MAMDC2: variants seen among roughly 807,000 people sequenced by gnomAD.
The protein encoded by MAMDC2 is MAM domain-containing protein 2.
In MAMDC2, 57 loss-of-function variants were observed where a neutral mutation model predicts 89.8. The ratio of observed to expected loss-of-function variants is 0.63; its 90% CI spans 0.51 to 0.79. The LOEUF (loss-of-function observed/expected upper bound fraction) is 0.79, where lower values mean the gene tolerates loss of function less well. MAMDC2 is among the 30% of genes least tolerant of loss of function. The pLI is 0.00. For missense variants in MAMDC2, 800 were observed against 820.6 expected (o/e 0.97, Z 0.31); for synonymous variants, 313 against 293.4 (o/e 1.07, Z -0.68).
chr9:70,052,306 T>G (rs73650506), intron 2 of MAMDC2, among the ~76,000 whole-genome samples: 2,364 of 152,342 alleles, frequency 0.016, 66 homozygotes, highest in African/African-American at 0.054. Flanking sequence ...TTGCTCCAAA[T>G]TACATTTCTC....
At chr9:70,128,935 G>T (rs1403185892) in intron 6 of MAMDC2, among the ~76,000 whole-genome samples, 1 of 152,198 alleles carries the variant, frequency 6.6e-6, no homozygotes, top group Non-Finnish European at 1.5e-5. Flanking sequence ...GGAATTACAG[G>T]CATGAACCAC....
At chr9:70,065,140 T>A (rs545211432) in intron 2 of MAMDC2, among the ~76,000 whole-genome samples, 2 of 152,306 alleles carry the variant, frequency 1.3e-5, no homozygotes, top group Admixed American at 1.3e-4. Context: ...GAGCTACTTA[T>A]CCAAAAACCA....
intron 2 of MAMDC2, among the ~76,000 whole-genome samples, chr9:70,098,618 T>G (rs1480299073): frequency 2.6e-5 from 4 of 152,198 alleles, no homozygotes; most frequent in Non-Finnish European, 5.9e-5. Flanking sequence ...TATCCATACC[T>G]TCAGGATCCC....
In MAMDC2 at chr9:70,084,982, A is replaced by G. The variant is rs1235116839; in HGVS notation, c.149-23229A>G. Among the ~76,000 whole-genome samples the G allele has an allele frequency of 2.6e-5, 4 of 152,118 alleles. No homozygotes were observed. In the East Asian group the frequency reaches 7.7e-4, roughly 29 times the overall value. ...TAAACTTGTTTTAATATAGAATTTT[A>G]TTACATCTAACAGATACATAATTTA... On this transcript the variant is annotated intron_variant, in intron 2 of 13. Coordinates refer to ENST00000377182, the MANE Select transcript of MAMDC2 (RefSeq NM_153267.5).
intron 2 of MAMDC2, among the ~76,000 whole-genome samples, chr9:70,105,420 G>C (rs1416511962): frequency 6.6e-6 from 1 of 152,112 alleles, no homozygotes; most frequent in Non-Finnish European, 1.5e-5. Context: ...AGTGGAGGTG[G>C]GCGGTGCTTG....
At chr9:70,051,802 A>G (rs1826903055) in intron 2 of MAMDC2, among the ~76,000 whole-genome samples, 1 of 152,142 alleles carries the variant, frequency 6.6e-6, no homozygotes, top group African/African-American at 2.4e-5. Flanking sequence ...AATCATATAA[A>G]TGTAGTTATG....
chr9:70,154,527 A>AT (rs10710715), intron 9 of MAMDC2, among the ~76,000 whole-genome samples: 22,826 of 135,808 alleles, frequency 0.17, 2,591 homozygotes, highest in African/African-American at 0.3. Context: ...ATTTGGAACA[A>AT]TTTTTTTTTT....
chr9:70,156,173 A>G (rs1399716222), intron 9 of MAMDC2, among the ~76,000 whole-genome samples: 1 of 152,220 alleles, frequency 6.6e-6, no homozygotes, highest in Non-Finnish European at 1.5e-5. Flanking sequence ...TTTCTCTTAC[A>G]AAAATCTTTC....
chr9:70,119,711 T>C (rs769617344), intron 5 of MAMDC2, among the ~76,000 whole-genome samples: 79 of 152,186 alleles, frequency 5.2e-4, no homozygotes, highest in Admixed American at 3.3e-4. Flanking sequence ...AGAGAAAGGT[T>C]TGTGCTTTGT....
At chr9:70,112,560 G>A (rs779637339) in intron 4 of MAMDC2, among the ~76,000 whole-genome samples, 12 of 152,156 alleles carry the variant, frequency 7.9e-5, no homozygotes, top group South Asian at 4.1e-4. Context: ...CTAGAGCTAC[G>A]AGCATAACCC....
intron 2 of MAMDC2, among the ~76,000 whole-genome samples, chr9:70,098,452 T>C (rs147042960): frequency 2.0e-5 from 3 of 152,360 alleles, no homozygotes; most frequent in African/African-American, 7.2e-5. Context: ...AGGTGCACTA[T>C]AGATCAATTG....
intron 2 of MAMDC2, among the ~76,000 whole-genome samples, chr9:70,056,321 C>A (rs1219491262): frequency 6.6e-6 from 1 of 152,128 alleles, no homozygotes; most frequent in Non-Finnish European, 1.5e-5. Context: ...CTATATTAGC[C>A]AACTTTAAAG....
intron 2 of MAMDC2, among the ~76,000 whole-genome samples, chr9:70,052,561 T>G (rs1437559030): frequency 6.6e-6 from 1 of 152,164 alleles, no homozygotes; most frequent in Non-Finnish European, 1.5e-5. Context: ...ACTGTGTAAG[T>G]CTTCTTATTG....
chr9:70,090,004 C>T (rs1442389497), intron 2 of MAMDC2, among the ~76,000 whole-genome samples: 1 of 151,880 alleles, frequency 6.6e-6, no homozygotes, highest in Non-Finnish European at 1.5e-5. Flanking sequence ...AACGAATGAA[C>T]TAGGGGAACA....
rs149014170 is a variant in MAMDC2 at position 70,078,460 on chromosome 9, C to T, written c.149-29751C>T. On this transcript the variant is annotated intron_variant, in intron 2 of 13. Coordinates refer to ENST00000377182, the MANE Select transcript of MAMDC2 (RefSeq NM_153267.5). Reference sequence around the variant, plus strand: ...AGACTCAAGCAACCTTGGGTATGAGCTCCATTGACCTTTGTTATAAGCAAG... The same window carrying T: ...AGACTCAAGCAACCTTGGGTATGAGTTCCATTGACCTTTGTTATAAGCAAG... Among the ~76,000 whole-genome samples the T allele has an allele frequency of 3.0e-3, 451 of 152,264 alleles. 1 individual carries two copies. Among genetic ancestry groups the T allele is most frequent in the African/African-American group, 0.01 (430 of 41,552 alleles).
chr9:70,185,957 G>C (rs1359573443), intron 11 of MAMDC2, among the ~76,000 whole-genome samples: 2 of 152,166 alleles, frequency 1.3e-5, no homozygotes, highest in African/African-American at 4.8e-5. Context: ...CTTCTGCATA[G>C]GTCTTGCTAG....
Position 70,108,212 on chromosome 9 carries a change from C to A in MAMDC2, c.150C>A (p.Gly50=), listed in dbSNP as rs748260312. ...TCCTATGTTCCTTTCTCTTTCCAGG[C>A]CATTACATTTATGTGGATACCTCCT... is the stretch of plus-strand genomic sequence containing the variant. ...ASLPWILNEE[G]HYIYVDTSFG... Residue 50 remains glycine (G), a splice_region_variant and synonymous_variant, in exon 3 of 14, where the codon GGC becomes GGA. Coordinates refer to ENST00000377182, the MANE Select transcript of MAMDC2 (RefSeq NM_153267.5). The A allele has an allele frequency of 7.0e-6, 11 of 1,581,330 alleles. No individual in the cohort carries two copies. The highest frequency in any genetic ancestry group is 1.7e-6 in the Non-Finnish European group (2 of 1,165,442).
intron 9 of MAMDC2, 116 bp downstream of exon 9, chr9:70,143,935 G>C (rs930725976): frequency 8.0e-7 from 1 of 1,251,564 alleles, no homozygotes. Flanking sequence ...TCAGGCCTAC[G>C]GCCTCACCCT....
At chr9:70,078,453 G>A (rs3015171) in intron 2 of MAMDC2, among the ~76,000 whole-genome samples, 28,160 of 152,116 alleles carry the variant, frequency 0.19, 3,666 homozygotes, top group African/African-American at 0.37. Flanking sequence ...GCAACCTTGG[G>A]TATGAGCTCC....
Sources: allele counts gnomAD v4.1 joint callset (sites outside exome capture counted in the v4.1 genomes callset), GRCh38; gene constraint gnomAD v4.1.1; transcripts MANE v1.5; gene names NCBI Gene and HGNC (gene_info 2026-07-23, HGNC 2026-07-21).